SLC4A7: variants seen among roughly 807,000 people sequenced by gnomAD.
SLC4A7 encodes the protein sodium bicarbonate cotransporter 3.
Under a neutral mutation model 137.6 loss-of-function variants are expected in SLC4A7, and 51 were observed. The ratio of observed to expected loss-of-function variants is 0.37; its 90% CI spans 0.30 to 0.47. The LOEUF is 0.47. Ranked by LOEUF, SLC4A7 falls within the 20% of genes least tolerant of loss-of-function variation. The pLI is 1.00. For missense variants in SLC4A7, 1,247 were observed against 1,525.4 expected (o/e 0.82, Z 3.04); for synonymous variants, 542 against 518.6 (o/e 1.05, Z -0.61).
intron 1 of SLC4A7, among the ~76,000 whole-genome samples, chr3:27,481,828 A>G (rs1167157065): frequency 2.0e-5 from 3 of 152,156 alleles, no homozygotes; most frequent in Non-Finnish European, 4.4e-5. Context: ...CCCAACTCAA[A>G]TATCACTTCT....
rs1458594283 is a variant in SLC4A7 at position 27,376,538 on chromosome 3, CAG to C, written c.*224_*225del. 13 of 303,288 alleles carry C rather than the reference CAG, an allele frequency of 4.3e-5. No homozygotes were observed. The Admixed American group carries it at 4.4e-4, about 10-fold the overall frequency. 18.8% of individuals were successfully genotyped at this position (303,288 alleles called of 1,614,324 possible). On this transcript the variant is annotated 3_prime_UTR_variant, in exon 26 of 26. Transcript: ENST00000454389. ...CAAAACAGAAAATTTTTTTTTCTAA[CAG>C]AATAAATATTTGAATAGTTAAGAAC...
At chr3:27,384,211 C>T (rs779909205) in intron 23 of SLC4A7, among the ~76,000 whole-genome samples, 1 of 152,176 alleles carries the variant, frequency 6.6e-6, no homozygotes, top group Non-Finnish European at 1.5e-5. Context: ...TAAACTGAAT[C>T]TCCCAGCATT....
intron 10 of SLC4A7, 150 bp downstream of exon 10, chr3:27,420,550 T>C (rs1057062037): frequency 9.4e-6 from 4 of 425,196 alleles, no homozygotes; most frequent in African/African-American, 4.1e-5. Flanking sequence ...CGAAGGCAAA[T>C]AGGAGAAGCA....
rs2057402920 is a variant in SLC4A7, at chr3:27,443,917, T to C, written c.289+4734A>G. Among the ~76,000 whole-genome samples the C allele has an allele frequency of 3.3e-5, 5 of 152,234 alleles. 1 individual carries two copies. In the South Asian group the frequency reaches 1.0e-3, roughly 31 times the overall value. On this transcript the variant is annotated intron_variant, in intron 3 of 25. Transcript: ENST00000454389. ...ACCTAGGAATTATTCTTGAGACATT[T>C]CTAGTTTAATTCTATTGTGATCAGA...
chr3:27,482,738 T>A (rs1175575479), intron 1 of SLC4A7, among the ~76,000 whole-genome samples: 1 of 152,004 alleles, frequency 6.6e-6, no homozygotes, highest in South Asian at 2.1e-4. Context: ...CACCACTGCA[T>A]TCCAGCCTGG....
intron 23 of SLC4A7, among the ~76,000 whole-genome samples, chr3:27,383,772 C>T (rs1343270342): frequency 6.6e-6 from 1 of 152,158 alleles, no homozygotes; most frequent in Non-Finnish European, 1.5e-5. Context: ...TCAAAAATAT[C>T]TCAGAAATTG....
chr3:27,434,125 T>A (rs1490279536), intron 5 of SLC4A7, 21 bp from the exon 6 acceptor site: 6 of 1,516,998 alleles, frequency 4.0e-6, no homozygotes, highest in South Asian at 1.2e-5. Flanking sequence ...AAAAAAAAAA[T>A]AAATTACTAA....
intron 23 of SLC4A7, among the ~76,000 whole-genome samples, chr3:27,383,860 G>C (rs1194847748): frequency 6.6e-6 from 1 of 152,104 alleles, no homozygotes; most frequent in Non-Finnish European, 1.5e-5. Flanking sequence ...CCACCCCAGT[G>C]ATAATTACTA....
chr3:27,471,020 T>A lies in SLC4A7; in HGVS notation c.60+13047A>T, dbSNP rs540206379. On this transcript the variant is annotated intron_variant, in intron 1 of 25. Transcript: ENST00000454389. ...ACATTTTGCATCACAACCCAGTACA[T>A]AACATACCTCTTCACTTGATCTTAG... Among the ~76,000 whole-genome samples, 53 of 152,282 alleles carry A rather than the reference T, an allele frequency of 3.5e-4. 1 individual carries two copies. Among genetic ancestry groups the A allele is most frequent in the African/African-American group, 1.2e-3 (49 of 41,556 alleles).
At chr3:27,426,259 C>T (rs2055606972) in intron 7 of SLC4A7, among the ~76,000 whole-genome samples, 1 of 152,188 alleles carries the variant, frequency 6.6e-6, no homozygotes, top group Admixed American at 6.5e-5. Context: ...TTCCGAAATA[C>T]AAACGATTTC....
intron 16 of SLC4A7, among the ~76,000 whole-genome samples, chr3:27,398,851 G>C (rs1301226868): frequency 6.6e-6 from 1 of 152,126 alleles, no homozygotes; most frequent in Non-Finnish European, 1.5e-5. Flanking sequence ...ATTGTCTTTA[G>C]CTTTTCTGAC....
intron 6 of SLC4A7, among the ~76,000 whole-genome samples, chr3:27,433,398 T>G (rs2056477520): frequency 6.6e-6 from 1 of 152,140 alleles, no homozygotes; most frequent in Non-Finnish European, 1.5e-5. Context: ...GGTAAACGAC[T>G]GCAAAAACAC....
At chr3:27,389,644 A>T (rs961511052) in intron 22 of SLC4A7, among the ~76,000 whole-genome samples, 7 of 152,178 alleles carry the variant, frequency 4.6e-5, no homozygotes, top group Non-Finnish European at 1.0e-4. Context: ...ACATTTGAAA[A>T]TGTATTTGTT....
At chr3:27,457,143 T>C (rs1203682396) in intron 1 of SLC4A7, among the ~76,000 whole-genome samples, 3 of 152,030 alleles carry the variant, frequency 2.0e-5, no homozygotes, top group Non-Finnish European at 4.4e-5. Context: ...TGGGATTCTC[T>C]ACATTCTTAA....
intron 3 of SLC4A7, among the ~76,000 whole-genome samples, chr3:27,447,410 C>T (rs1330501207): frequency 2.0e-5 from 3 of 152,096 alleles, no homozygotes; most frequent in African/African-American, 7.2e-5. Flanking sequence ...TTCCTATGTT[C>T]ATGCAGTAAC....
At chr3:27,394,454 G>A in intron 20 of SLC4A7, 64 bp downstream of exon 20, 1 of 1,381,966 alleles carries the variant, frequency 7.2e-7, no homozygotes. Flanking sequence ...AATGTTTCAT[G>A]TTCACATAAC....
chr3:27,445,438 C>T (rs181239841), intron 3 of SLC4A7, among the ~76,000 whole-genome samples: 1 of 152,246 alleles, frequency 6.6e-6, no homozygotes, highest in Admixed American at 6.5e-5. Context: ...TATTCTCTCA[C>T]TTGCTTCTCC....
At chr3:27,418,004 C>A (rs547838543) in intron 11 of SLC4A7, among the ~76,000 whole-genome samples, 2 of 152,184 alleles carry the variant, frequency 1.3e-5, no homozygotes, top group Admixed American at 6.5e-5. Context: ...ATCTATTCTA[C>A]AGATACATCT....
chr3:27,453,284 T>C lies in SLC4A7; in HGVS notation c.61-786A>G, dbSNP rs373450469. 2.4e-4 allele frequency among the ~76,000 whole-genome samples: 37 copies of C among 152,334 alleles called. 1 individual carries two copies. The South Asian group carries it at 7.2e-3, about 30-fold the overall frequency. On this transcript the variant is annotated intron_variant, in intron 1 of 25. Transcript: ENST00000454389. ...TTAACTTATTATACACAAGATTCTATGCCACTGCTAGAGAGAGAACAAATA... is the reference window on the plus strand; with the variant it reads ...TTAACTTATTATACACAAGATTCTACGCCACTGCTAGAGAGAGAACAAATA...
Sources: gnomAD v4.1 joint callset for allele counts (sites outside exome capture counted in the v4.1 genomes callset) on GRCh38, gnomAD v4.1.1 for gene constraint, MANE v1.5 for transcripts, NCBI Gene and HGNC (gene_info 2026-07-23, HGNC 2026-07-21) for gene names.